Variants in FZD3 observed in about 807,000 individuals in gnomAD.
The protein encoded by FZD3 is frizzled class receptor 3.
A neutral mutation model predicts 60.7 loss-of-function variants in FZD3; 30 were observed. That is an observed-to-expected ratio of 0.49 (90% CI 0.37 to 0.67). FZD3 has a LOEUF of 0.67. FZD3 is among the 30% of genes least tolerant of loss of function. FZD3 has a pLI of 0.00. For synonymous variants in FZD3, 246 were observed against 275.2 expected (o/e 0.89, Z 1.05); for missense variants, 605 against 838.7 (o/e 0.72, Z 3.44).
intron 6 of FZD3, among the ~76,000 whole-genome samples, chr8:28,555,076 T>TC (rs1805484727): frequency 6.6e-6 from 1 of 152,178 alleles, no homozygotes; most frequent in African/African-American, 2.4e-5. Context: ...CCATAATTTT[T>TC]CCCCTAAATG....
chr8:28,532,082 T>C (rs1477294343), intron 5 of FZD3, among the ~76,000 whole-genome samples: 1 of 152,220 alleles, frequency 6.6e-6, no homozygotes, highest in Non-Finnish European at 1.5e-5. Context: ...TTCTGCATCA[T>C]TTATCAAATA....
intron 5 of FZD3, among the ~76,000 whole-genome samples, chr8:28,529,435 C>A (rs543984266): frequency 6.6e-6 from 1 of 152,266 alleles, no homozygotes; most frequent in African/African-American, 2.4e-5. Context: ...TTACTATACT[C>A]TGAACTCTTC....
chr8:28,552,241 C>T (rs1425996151), intron 6 of FZD3, among the ~76,000 whole-genome samples: 1 of 152,002 alleles, frequency 6.6e-6, no homozygotes, highest in African/African-American at 2.4e-5. Flanking sequence ...TCCAAGTGTA[C>T]CAAAAGTGAT....
intron 6 of FZD3, among the ~76,000 whole-genome samples, chr8:28,552,970 A>C (rs1429228880): frequency 6.6e-6 from 1 of 152,226 alleles, no homozygotes; most frequent in East Asian, 1.9e-4. Flanking sequence ...TACTGTAAGT[A>C]ACCTAGAGAT....
At chr8:28,542,371 G>T (rs1805190168) in intron 5 of FZD3, among the ~76,000 whole-genome samples, 1 of 152,094 alleles carries the variant, frequency 6.6e-6, no homozygotes, top group African/African-American at 2.4e-5. Context: ...GGCCGCTGCG[G>T]CTCACTCCTT....
intron 7 of FZD3, among the ~76,000 whole-genome samples, chr8:28,556,212 T>C (rs1313381333): frequency 6.6e-6 from 1 of 152,098 alleles, no homozygotes; most frequent in African/African-American, 2.4e-5. Flanking sequence ...AGGGTAAAAG[T>C]GGTTATTTTA....
intron 4 of FZD3, among the ~76,000 whole-genome samples, chr8:28,526,398 C>T (rs1804715925): frequency 6.6e-6 from 1 of 152,154 alleles, no homozygotes; most frequent in South Asian, 2.1e-4. Flanking sequence ...ACTGTGAAGT[C>T]TTTCATAGTT....
intron 7 of FZD3, among the ~76,000 whole-genome samples, chr8:28,560,130 T>A (rs993935618): frequency 6.6e-6 from 1 of 152,126 alleles, no homozygotes; most frequent in Non-Finnish European, 1.5e-5. Context: ...TACAGTTAAT[T>A]CAGTTATTTA....
In FZD3 at chr8:28,568,445, T is replaced by A. The variant is rs1248510710; in HGVS notation, c.*5434T>A. The A allele has an allele frequency of 6.6e-6, 1 of 152,120 alleles. No individual in the cohort carries two copies. Among genetic ancestry groups the A allele is most frequent in the Non-Finnish European group, 1.5e-5 (1 of 68,006 alleles). The allele number at this position is 152,120 out of a possible 1,614,324, so 9.4% of individuals were successfully genotyped here. A position where few individuals can be genotyped will look rare whatever the true frequency, so the allele number is the denominator to read the frequency against. ...GCCTTCCGTCTGATTGTAATCAGTC[T>A]CCTGGGTTTTTTACTAATTTAATCT... On this transcript the variant is annotated 3_prime_UTR_variant, in exon 8 of 8. Transcript: ENST00000240093.
rs1805772392 is a variant in FZD3 at position 28,569,775 on chromosome 8, A to G, written c.*6764A>G. 6.6e-6 allele frequency: 1 copy of G among 152,232 alleles called. No individual in the cohort carries two copies. Among genetic ancestry groups the G allele is most frequent in the African/African-American group, 2.4e-5 (1 of 41,464 alleles). 9.4% of individuals were successfully genotyped at this position (152,232 alleles called of 1,614,324 possible). Reference sequence around the variant, plus strand: ...AATGGGAAAGTCTTCTTAAGCACCAATATAAGCACCTTAAATTGATACATA... The same window carrying G: ...AATGGGAAAGTCTTCTTAAGCACCAGTATAAGCACCTTAAATTGATACATA... On this transcript the variant is annotated 3_prime_UTR_variant, in exon 8 of 8. Transcript: ENST00000240093.
intron 5 of FZD3, among the ~76,000 whole-genome samples, chr8:28,536,476 G>A (rs1805016804): frequency 6.6e-6 from 1 of 152,214 alleles, no homozygotes; most frequent in Non-Finnish European, 1.5e-5. Context: ...GGGAGGCCAA[G>A]GAGGGTGGAT....
intron 6 of FZD3, among the ~76,000 whole-genome samples, chr8:28,555,088 T>G (rs1004255328): frequency 6.6e-6 from 1 of 152,172 alleles, no homozygotes; most frequent in African/African-American, 2.4e-5. Context: ...CCCTAAATGT[T>G]TCCCTTTAAG....
At chr8:28,558,488 T>A (rs1805554910) in intron 7 of FZD3, among the ~76,000 whole-genome samples, 1 of 151,872 alleles carries the variant, frequency 6.6e-6, no homozygotes, top group African/African-American at 2.4e-5. Context: ...TGGAGTGCAG[T>A]GGTACTATCT....
rs1287433805 is a variant in FZD3 at position 28,574,090 on chromosome 8, C to CT, written c.*11082dup. The CT allele has an allele frequency of 6.6e-6, 1 of 152,156 alleles. No homozygotes were observed. The highest frequency in any genetic ancestry group is 1.5e-5 in the Non-Finnish European group (1 of 68,006). The allele number at this position is 152,156 out of a possible 1,614,324, so 9.4% of individuals were successfully genotyped here. ...TGGGAATTTCACATTCTCTGATGTG[C>CT]TTTGCACTCTGCTCTTGTAGATTTA... On this transcript the variant is annotated 3_prime_UTR_variant, in exon 8 of 8. Coordinates refer to ENST00000240093, the MANE Select transcript of FZD3 (RefSeq NM_017412.4).
At position 28,565,086 on chromosome 8, in the gene FZD3, T is replaced by C. The variant is rs1474676618; in HGVS notation, c.*2075T>C. On this transcript the variant is annotated 3_prime_UTR_variant, in exon 8 of 8. Coordinates refer to ENST00000240093, the MANE Select transcript of FZD3 (RefSeq NM_017412.4). ...CCTTTAAAACAAACTGCCAAGAAAT[T>C]AGGTGTTGAAAAAGAATATTCTCAT... is the stretch of plus-strand genomic sequence containing the variant. 1 of 152,078 alleles carries C rather than the reference T, an allele frequency of 6.6e-6. No homozygotes were observed. The highest frequency in any genetic ancestry group is 1.5e-5 in the Non-Finnish European group (1 of 68,008). 9.4% of individuals were successfully genotyped at this position (152,078 alleles called of 1,614,324 possible).
At chr8:28,532,977 G>A (rs1460678027) in intron 5 of FZD3, among the ~76,000 whole-genome samples, 1 of 152,114 alleles carries the variant, frequency 6.6e-6, no homozygotes, top group African/African-American at 2.4e-5. Flanking sequence ...GTAGATTTTT[G>A]TAAGTTACCA....
chr8:28,558,049 A>G (rs180827873), intron 7 of FZD3, among the ~76,000 whole-genome samples: 13 of 152,328 alleles, frequency 8.5e-5, no homozygotes, highest in African/African-American at 2.9e-4. Context: ...GGCAAGGAAG[A>G]CAGGCAAGCA....
intron 3 of FZD3, among the ~76,000 whole-genome samples, chr8:28,507,597 A>G (rs1804174092): frequency 6.6e-6 from 1 of 152,214 alleles, no homozygotes; most frequent in Non-Finnish European, 1.5e-5. Context: ...CTTAGCTGGA[A>G]TATTTGGAAA....
chr8:28,562,756 AG>A (rs746344808), intron 7 of FZD3, 41 bp from the exon 8 acceptor site: 20 of 1,116,366 alleles, frequency 1.8e-5, no homozygotes, highest in Non-Finnish European at 2.7e-5. Context: ...TATATTTTCT[AG>A]TGTGTTCTGT....
Sources: allele counts gnomAD v4.1 joint callset (sites outside exome capture counted in the v4.1 genomes callset), GRCh38; gene constraint gnomAD v4.1.1; transcripts MANE v1.5; gene names NCBI Gene and HGNC (gene_info 2026-07-23, HGNC 2026-07-21).